Variants in CFAP107 observed in about 807,000 individuals in gnomAD.
CFAP107 encodes cilia and flagella associated protein 107.
chr1:12,753,398 A>C, the CFAP107 span: 1 of 151,830 alleles, frequency 6.6e-6, no homozygotes, highest in African/African-American at 2.4e-5. Context: ...ATCTCAAGAG[A>C]CTCCAAATGG....
chr1:12,747,636 G>A, the CFAP107 span, among the ~76,000 whole-genome samples: 1 of 152,176 alleles, frequency 6.6e-6, no homozygotes, highest in Non-Finnish European at 1.5e-5. Context: ...GAAGGTTAAA[G>A]GCTGTTTTCC....
chr1:12,762,228 C>T, the CFAP107 span: 1 of 152,132 alleles, frequency 6.6e-6, no homozygotes, highest in Admixed American at 6.5e-5. Flanking sequence ...TGTAAGGACG[C>T]TGTCTTCCAT....
chr1:12,757,930 C>T, the CFAP107 span, among the ~76,000 whole-genome samples: 1 of 152,196 alleles, frequency 6.6e-6, no homozygotes, highest in African/African-American at 2.4e-5. Flanking sequence ...TCTCACATAC[C>T]AAGCCAATAT....
At chr1:12,746,477 G>A in the CFAP107 span, 1 of 1,613,806 alleles carries the variant, frequency 6.2e-7, no homozygotes. Flanking sequence ...ACTCCGAGCT[G>A]GCAGATTGAG....
At chr1:12,762,243 A>G in the CFAP107 span, 5 of 151,910 alleles carry the variant, frequency 3.3e-5, no homozygotes, top group African/African-American at 4.8e-5. Flanking sequence ...TTCCATCCCA[A>G]CTGAAAGTCA....
chr1:12,759,762 G>A, the CFAP107 span: 18 of 537,590 alleles, frequency 3.3e-5, no homozygotes, highest in East Asian at 1.3e-4. Context: ...CAACATCCAC[G>A]CATCCTTCCT....
the CFAP107 span, chr1:12,759,410 C>T: frequency 3.8e-3 from 6,160 of 1,614,122 alleles, 202 homozygotes; most frequent in African/African-American, 0.07. Context: ...GGTTACAACC[C>T]GGGGCTGCCT....
the CFAP107 span, among the ~76,000 whole-genome samples, chr1:12,758,161 G>A: frequency 3.3e-5 from 5 of 152,028 alleles, no homozygotes; most frequent in African/African-American, 4.8e-5. Flanking sequence ...TCTTCCTGAT[G>A]TGGCCCTGCA....
chr1:12,761,545 T>TG, the CFAP107 span: 143 of 150,666 alleles, frequency 9.5e-4, 1 homozygote, highest in African/African-American at 3.4e-3. Context: ...TTTTTTTTGT[T>TG]TTTTTTTTTG....
At chr1:12,757,069 A>G in the CFAP107 span, among the ~76,000 whole-genome samples, 3 of 152,214 alleles carry the variant, frequency 2.0e-5, no homozygotes, top group Non-Finnish European at 4.4e-5. Context: ...GTGCGCATTA[A>G]AGACACAAAT....
the CFAP107 span, chr1:12,763,098 A>T: frequency 6.6e-6 from 1 of 152,330 alleles, no homozygotes; most frequent in East Asian, 1.9e-4. Context: ...AGGCAGCAGA[A>T]TCGCTTGAAC....
At chr1:12,760,698 G>A in the CFAP107 span, 8,989 of 1,475,460 alleles carry the variant, frequency 6.1e-3, 419 homozygotes, top group African/African-American at 0.11. Flanking sequence ...GCCCAGTCTC[G>A]TGGCCATTGG....
At chr1:12,762,106 G>T in the CFAP107 span, 1 of 152,238 alleles carries the variant, frequency 6.6e-6, no homozygotes. Context: ...TCCCAGTATG[G>T]GAGCCTGAGT....
the CFAP107 span, chr1:12,746,603 G>A: frequency 8.3e-7 from 1 of 1,211,808 alleles, no homozygotes; most frequent in Non-Finnish European, 1.2e-6. Flanking sequence ...AGGCAGGAGT[G>A]AAGTTCATCA....
the CFAP107 span, chr1:12,755,581 AG>A: frequency 1.4e-6 from 1 of 727,560 alleles, no homozygotes; most frequent in Non-Finnish European, 2.5e-6. Context: ...CAGGGTGTCC[AG>A]GGGTTTATAT....
At chr1:12,750,736 T>C in the CFAP107 span, among the ~76,000 whole-genome samples, 3 of 151,678 alleles carry the variant, frequency 2.0e-5, no homozygotes, top group Non-Finnish European at 2.9e-5. Flanking sequence ...GAAGCAAAAA[T>C]GGACAGAATT....
chr1:12,751,099 T>C, the CFAP107 span, among the ~76,000 whole-genome samples: 1 of 150,790 alleles, frequency 6.6e-6, no homozygotes, highest in Non-Finnish European at 1.5e-5. Context: ...GTAATGAAAA[T>C]ACAACATACC....
the CFAP107 span, among the ~76,000 whole-genome samples, chr1:12,752,134 A>G: frequency 6.6e-6 from 1 of 152,184 alleles, no homozygotes; most frequent in South Asian, 2.1e-4. Context: ...CCCTGATACT[A>G]AAGGCGAAGA....
chr1:12,760,647 C>A, the CFAP107 span: 1 of 975,160 alleles, frequency 1.0e-6, no homozygotes. Context: ...CAGCCTTGGT[C>A]CCTGACAGAG....
Sources: gnomAD v4.1 joint callset for allele counts (sites outside exome capture counted in the v4.1 genomes callset) on GRCh38, gnomAD v4.1.1 for gene constraint, MANE v1.5 for transcripts, NCBI Gene and HGNC (gene_info 2026-07-23, HGNC 2026-07-21) for gene names.